The following MYO15A variants were observed in gnomAD, a reference collection of about 807,000 sequenced individuals.
MYO15A encodes unconventional myosin-XV.
A neutral mutation model predicts 394.6 loss-of-function variants in MYO15A; 308 were observed. The observed-to-expected ratio is 0.78, with a 90% CI of 0.71 to 0.86. The LOEUF (loss-of-function observed/expected upper bound fraction) is 0.86. MYO15A is among the 40% of genes least tolerant of loss of function. The pLI is 0.00. For synonymous variants in MYO15A, 1,957 were observed against 2,003.8 expected (o/e 0.98, Z 0.62); for missense variants, 4,606 against 4,799.1 (o/e 0.96, Z 1.19).
rs559341182 is a variant in MYO15A at position 18,149,006 on chromosome 17, G to A, written c.6956+54G>A. 2.7e-5 allele frequency: 42 copies of A among 1,543,370 alleles called. No homozygotes were observed. The Middle Eastern group carries it at 5.6e-4, about 20-fold the overall frequency. ...GATGGCCACTCCCAGGCAGAAGGCC[G>A]GCCACTCCCAGGCAGAAGGCCTGCC... On this transcript the variant is annotated intron_variant, in intron 33 of 65. Coordinates refer to ENST00000647165, the MANE Select transcript of MYO15A (RefSeq NM_016239.4).
chr17:18,138,842 A>G lies in MYO15A; in HGVS notation c.5039A>G (p.His1680Arg). The change falls in exon 18 of 66, where the codon CAC (histidine) becomes CGC (arginine). Residue 1680 changes from histidine to arginine, a missense_variant. Physicochemically the swap from His to Arg is conservative, Grantham distance 29 (BLOSUM62 0). Transcript: ENST00000647165. ...ATDHTFLQKC[H>R]YHHGANPLYS... Reference sequence around the variant, plus strand: ...GACCACACCTTCCTACAGAAGTGCCACTACCATCATGGCGCCAACCCGCTC... The same window carrying G: ...GACCACACCTTCCTACAGAAGTGCCGCTACCATCATGGCGCCAACCCGCTC... 1 of 1,613,838 alleles carries G rather than the reference A, an allele frequency of 6.2e-7. No individual in the cohort carries two copies. Among genetic ancestry groups the G allele is most frequent in the African/African-American group, 1.3e-5 (1 of 75,022 alleles).
chr17:18,119,399 G>T lies in MYO15A; in HGVS notation c.599G>T (p.Gly200Val). 6.2e-7 allele frequency: 1 copy of T among 1,611,514 alleles called. No homozygotes were observed. The highest frequency in any genetic ancestry group is 8.5e-7 in the Non-Finnish European group (1 of 1,179,904). Residue 200 changes from glycine to valine, a missense_variant, in exon 2 of 66, where the codon GGC becomes GTC. By Grantham distance (109) the Gly-to-Val change is moderately radical. Transcript: ENST00000647165. ...CGCAGCCGCAGCATCTACGCGTCAG[G>T]CGAGCCCCTGGGCTTCCTGCCCTTC... is the stretch of plus-strand genomic sequence containing the variant. ...FPRSRSIYASGEPLGFLPFED... is the reference protein window; with the variant it reads ...FPRSRSIYASVEPLGFLPFED...
chr17:18,154,700 C>A lies in MYO15A; in HGVS notation c.8169C>A (p.Ser2723=), dbSNP rs761235485. 8 of 1,613,672 alleles carry A rather than the reference C, an allele frequency of 5.0e-6. No homozygotes were observed. Among genetic ancestry groups the A allele is most frequent in the Non-Finnish European group, 6.8e-6 (8 of 1,180,020 alleles). ...CACAGATCCTGCACGACACGCTCTC[C>A]GAGGCCTGCCTTCGCATCTCTGAGG... ...LFRQILHDTL[S]EACLRISEDE... is the part of the protein sequence containing the mutation. Residue 2723 remains serine, a synonymous_variant, in exon 45 of 66, where the codon TCC becomes TCA. Transcript: ENST00000647165.
chr17:18,165,949 G>A (rs1027826227), intron 60 of MYO15A, among the ~76,000 whole-genome samples: 3 of 152,178 alleles, frequency 2.0e-5, no homozygotes, highest in Non-Finnish European at 4.4e-5. Flanking sequence ...CACCCACTGG[G>A]TCTCATAGTG....
rs369967075 is a variant in MYO15A at position 18,142,201 on chromosome 17, T to G, written c.5772T>G (p.Ser1924=). ...TCTTCATTAAGCGGCGATTCCGCTC[T>G]CTGCGCCACAAGATCATCCTGCTGC... The part of the protein sequence containing the change: ...RGFFIKRRFR[S]LRHKIILLQS... Residue 1924 remains serine (S), a synonymous_variant, in exon 24 of 66, where the codon TCT becomes TCG. Transcript: ENST00000647165. The G allele has an allele frequency of 6.2e-7, 1 of 1,613,582 alleles. No individual in the cohort carries two copies. The highest frequency in any genetic ancestry group is 1.3e-5 in the African/African-American group (1 of 74,948).
chr17:18,133,259 C>A lies in MYO15A; in HGVS notation c.4355C>A (p.Ala1452Glu). 1 of 1,614,172 alleles carries A rather than the reference C, an allele frequency of 6.2e-7. No homozygotes were observed. The highest frequency in any genetic ancestry group is 1.3e-5 in the African/African-American group (1 of 75,054). The change falls in exon 12 of 66, where the codon GCA (alanine) becomes GAA (glutamate). Residue 1452 changes from alanine (A) to glutamate (E), a missense_variant. By Grantham distance (107) the Ala-to-Glu change is moderately radical (BLOSUM62 -1). This residue lies in a region of MYO15A where 2,776 missense variants were observed against 3,109.3 expected (regional missense o/e 0.89). Transcript: ENST00000647165. The stretch of plus-strand genomic sequence containing the variant: ...TGTGAGATAGCAGGAAAGAGCGATG[C>A]AGATGACTTTCGCCGGCTCCTGGCT... ...GNCEIAGKSD[A>E]DDFRRLLAAM...
In MYO15A at chr17:18,119,146, GGCTACGGCC is replaced by G. The variant is rs876657898; in HGVS notation, c.349_357del (p.Tyr117_Arg119del). The G allele has an allele frequency of 8.5e-4, 1,377 of 1,611,294 alleles. 1 individual carries two copies. The highest frequency in any genetic ancestry group is 1.1e-3 in the Non-Finnish European group (1,267 of 1,179,398). ...GGTGATCCGCTTCCCAGGCCGCCGTGGCTACGGCCGCCTGCGGCCGCGCGCCCGGTCACT... is the reference window on the plus strand; with the variant it reads ...GGTGATCCGCTTCCCAGGCCGCCGTGGCCTGCGGCCGCGCGCCCGGTCACT... On this transcript the variant is annotated inframe_deletion, in exon 2 of 66. Coordinates refer to ENST00000647165, the MANE Select transcript of MYO15A (RefSeq NM_016239.4).
chr17:18,172,070 G>A, intron 63 of MYO15A, 87 bp from the exon 64 acceptor site: 1 of 1,605,542 alleles, frequency 6.2e-7, no homozygotes, highest in Non-Finnish European at 8.5e-7. Context: ...GCTGGACACA[G>A]CCCAGAGAAG....
intron 51 of MYO15A, 96 bp from the exon 52 acceptor site, chr17:18,158,427 G>A: frequency 9.2e-7 from 1 of 1,088,338 alleles, no homozygotes; most frequent in East Asian, 2.5e-5. Context: ...TTGAGAATCT[G>A]GGTCCAGTCA....
intron 47 of MYO15A, chr17:18,155,899 T>C: frequency 2.1e-6 from 1 of 477,148 alleles, no homozygotes; most frequent in South Asian, 2.1e-5. Flanking sequence ...GAGAATTTGG[T>C]CAATGGGTGA....
chr17:18,167,690 A>G lies in MYO15A; in HGVS notation c.10049A>G (p.His3350Arg), dbSNP rs1225158572. ...GTGTCCAAGCTGGCTTCACTGCAGC[A>G]TCGCGCCAAGGACCACTTCTACCTG... ...QQVSKLASLQ[H>R]RAKDHFYLPS... The change falls in exon 62 of 66, where the codon CAT (histidine) becomes CGT (arginine). Residue 3350 changes from histidine (H) to arginine (R), a missense_variant. Coordinates refer to ENST00000647165, the MANE Select transcript of MYO15A (RefSeq NM_016239.4). 1.9e-6 allele frequency: 3 copies of G among 1,604,018 alleles called. No individual in the cohort carries two copies. Among genetic ancestry groups the G allele is most frequent in the Non-Finnish European group, 2.5e-6 (3 of 1,179,958 alleles).
intron 7 of MYO15A, among the ~76,000 whole-genome samples, chr17:18,129,581 A>G (rs1464921011): frequency 6.6e-6 from 1 of 152,102 alleles, no homozygotes; most frequent in Non-Finnish European, 1.5e-5. Context: ...TCTTCCCTAA[A>G]AGATTATCCT....
At chr17:18,122,539 G>A in intron 2 of MYO15A, 130 bp downstream of exon 2, 2 of 1,377,852 alleles carry the variant, frequency 1.5e-6, no homozygotes, top group Admixed American at 5.5e-5. Context: ...CTCTGGGTCT[G>A]TAAGTTGGGG....
At position 18,117,292 on chromosome 17, in the gene MYO15A, G is replaced by A. The variant is rs553207630; in HGVS notation, c.-219-1290G>A. Among the ~76,000 whole-genome samples, 5 of 152,358 alleles carry A rather than the reference G, an allele frequency of 3.3e-5. No homozygotes were observed. Among genetic ancestry groups the A allele is most frequent in the East Asian group, 1.9e-4 (1 of 5,186 alleles). On this transcript the variant is annotated intron_variant, in intron 1 of 65. Transcript: ENST00000647165. The surrounding 1 kb of genome is among the most constrained non-coding windows in gnomAD (Gnocchi z 4.1). ...AGCAGGGGGAAGAGGCAGACAGAGA[G>A]GGGGAGACCTCACTTGCTGCATGGT...
In MYO15A at chr17:18,150,763, C is replaced by A; in HGVS notation, c.7393C>A (p.Leu2465Met). The change falls in exon 37 of 66, where the codon CTG (leucine) becomes ATG (methionine). Residue 2465 changes from leucine to methionine, a missense_variant and splice_region_variant. Coordinates refer to ENST00000647165, the MANE Select transcript of MYO15A (RefSeq NM_016239.4). The surrounding 1 kb of genome is among the most constrained non-coding windows in gnomAD (Gnocchi z 4.4). The part of the protein sequence containing the change: ...QAFIHKQAVL[L>M]AREMTLQATA... ...CTTCATCCACAAACAGGCCGTGCTG[C>A]TGGTGAGTGAGGGAGGGACTGCTGG... 1 of 1,583,928 alleles carries A rather than the reference C, an allele frequency of 6.3e-7. No individual in the cohort carries two copies. Among genetic ancestry groups the A allele is most frequent in the Non-Finnish European group, 8.6e-7 (1 of 1,163,962 alleles).
chr17:18,120,560 C>A lies in MYO15A; in HGVS notation c.1760C>A (p.Ala587Glu). The A allele has an allele frequency of 6.3e-7, 1 of 1,599,048 alleles. No homozygotes were observed. The change falls in exon 2 of 66, where the codon GCG becomes GAG. Residue 587 changes from alanine (A) to glutamate (E), a missense_variant. Around this residue, in one of 2 missense-constraint regions of MYO15A, gnomAD observed 1,830 missense variants for 1,689.7 expected, o/e 1.08. Coordinates refer to ENST00000647165, the MANE Select transcript of MYO15A (RefSeq NM_016239.4). ...KKTLSEKKPI[A>E]RLRGSQKARA... ...ACGCTGTCGGAGAAGAAGCCCATCG[C>A]GCGGCTCAGGGGCAGCCAGAAGGCC...
At chr17:18,141,333 A>G (rs1232470298) in intron 22 of MYO15A, among the ~76,000 whole-genome samples, 190 bp downstream of exon 22, 1 of 148,898 alleles carries the variant, frequency 6.7e-6, no homozygotes, top group Non-Finnish European at 1.5e-5. Flanking sequence ...TTTTGTAGTT[A>G]TATGTTGTAT....
intron 1 of MYO15A, among the ~76,000 whole-genome samples, chr17:18,118,170 G>C (rs184018774): frequency 6.6e-6 from 1 of 152,182 alleles, no homozygotes; most frequent in African/African-American, 2.4e-5. Flanking sequence ...TTCAGCTCCT[G>C]AGAGCCAGCC....
Position 18,150,867 on chromosome 17 carries a change from T to C in MYO15A, c.7427T>C (p.Leu2476Pro), listed in dbSNP as rs748461418. Residue 2476 changes from leucine to proline, a missense_variant, in exon 38 of 66, where the codon CTC (leucine) becomes CCC (proline). Leu to Pro is a moderately conservative substitution (Grantham distance 98). Coordinates refer to ENST00000647165, the MANE Select transcript of MYO15A (RefSeq NM_016239.4). This position sits in a 1 kb window ranked among gnomAD's most constrained non-coding sequence, Gnocchi z 4.4. Reference protein sequence around the residue: ...AREMTLQATALQQQPLSAALR... With the variant: ...AREMTLQATAPQQQPLSAALR... ...GAGATGACCCTGCAGGCCACGGCAC[T>C]CCAGCAGCAGCCCCTGAGTGCTGCC... The C allele has an allele frequency of 3.1e-6, 5 of 1,597,788 alleles. No individual in the cohort carries two copies.
Sources: allele counts gnomAD v4.1 joint callset (sites outside exome capture counted in the v4.1 genomes callset), GRCh38; gene constraint gnomAD v4.1.1; regional missense constraint gnomAD v4.1.1; non-coding constraint Gnocchi (gnomAD v3.1); transcripts MANE v1.5; gene names NCBI Gene and HGNC (gene_info 2026-07-23, HGNC 2026-07-21).